PRRX1: variants seen among roughly 807,000 people sequenced by gnomAD.
The protein encoded by PRRX1 is paired mesoderm homeobox protein 1.
In PRRX1, 8 loss-of-function variants were observed where a neutral mutation model predicts 24.0. That is an observed-to-expected ratio of 0.33 (90% CI 0.20 to 0.60). PRRX1 has a LOEUF of 0.60. Among genes scored for constraint, PRRX1 ranks in the 20% least tolerant of loss-of-function variants. The pLI is 0.82. For missense variants in PRRX1, 281 were observed against 322.4 expected (o/e 0.87, Z 0.98); for synonymous variants, 160 against 131.7 (o/e 1.22, Z -1.47).
chr1:170,665,951 C>T (rs752204841), intron 1 of PRRX1, among the ~76,000 whole-genome samples: 1 of 152,230 alleles, frequency 6.6e-6, no homozygotes, highest in South Asian at 2.1e-4. Flanking sequence ...CCTCAAGTTC[C>T]GCATAAAGGG....
At chr1:170,670,971 C>G (rs1653122727) in intron 1 of PRRX1, among the ~76,000 whole-genome samples, 1 of 152,076 alleles carries the variant, frequency 6.6e-6, no homozygotes, top group South Asian at 2.1e-4. Context: ...TTAGCTGTTC[C>G]ACGTAATGAA....
rs557928841 is a variant in PRRX1, at chr1:170,664,479, C to G, written c.241+20C>G. On this transcript the variant is annotated intron_variant, in intron 1 of 3. Coordinates refer to ENST00000239461, the MANE Select transcript of PRRX1 (RefSeq NM_022716.4). ...AGGACAGTGAGTGAGGGGCGCATGC[C>G]CACGGGGGTGTGTGCCCGGGACAGA... 6.9e-6 allele frequency: 11 copies of G among 1,585,608 alleles called. No homozygotes were observed. The highest frequency in any genetic ancestry group is 1.8e-5 in the Admixed American group (1 of 55,412).
At chr1:170,711,557 A>C (rs1039888404) in intron 1 of PRRX1, among the ~76,000 whole-genome samples, 19 of 152,216 alleles carry the variant, frequency 1.2e-4, no homozygotes, top group African/African-American at 4.6e-4. Context: ...TGCTTACCAG[A>C]TTTTTCTTTA....
intron 1 of PRRX1, 115 bp downstream of exon 1, chr1:170,664,574 A>T: frequency 7.0e-7 from 1 of 1,424,818 alleles, no homozygotes; most frequent in Non-Finnish European, 9.3e-7. Context: ...GGACCAGGAG[A>T]GGTGATGGCA....
At position 170,726,327 on chromosome 1, in the gene PRRX1, G is replaced by T; in HGVS notation, c.525G>T (p.Val175=). ...LKSYSGDVTA[V]EQPIVPRPAP... ...CCTACTCAGGAGACGTGACTGCTGTGGAGCAGCCCATCGTACCTCGTCCTG... is the reference window on the plus strand; with the variant it reads ...CCTACTCAGGAGACGTGACTGCTGTTGAGCAGCCCATCGTACCTCGTCCTG... The change falls in exon 3 of 4, where the codon GTG becomes GTT. Residue 175 remains valine, a synonymous_variant. Transcript: ENST00000239461. 1 of 1,613,978 alleles carries T rather than the reference G, an allele frequency of 6.2e-7. No homozygotes were observed. The highest frequency in any genetic ancestry group is 2.2e-5 in the East Asian group (1 of 44,862).
chr1:170,721,520 G>A (rs750888135), intron 2 of PRRX1, among the ~76,000 whole-genome samples: 34 of 152,038 alleles, frequency 2.2e-4, no homozygotes, highest in Non-Finnish European at 7.4e-5. Flanking sequence ...AAGTGTGAAC[G>A]CTTTCCCACG....
chr1:170,736,001 G>T (rs762828896), intron 3 of PRRX1, 47 bp from the exon 4 acceptor site: 3 of 1,612,178 alleles, frequency 1.9e-6, no homozygotes, highest in Admixed American at 3.3e-5. Flanking sequence ...GCAGCTTTGT[G>T]AAACTAATGC....
chr1:170,715,196 T>C (rs1303596015), intron 1 of PRRX1, among the ~76,000 whole-genome samples: 1 of 152,078 alleles, frequency 6.6e-6, no homozygotes, highest in Admixed American at 6.6e-5. Flanking sequence ...CAAAAGACAA[T>C]GCTAACATAA....
rs1189115898 is a variant in PRRX1, at chr1:170,737,103, C to G, written c.*917C>G. On this transcript the variant is annotated 3_prime_UTR_variant, in exon 4 of 4. Transcript: ENST00000239461. The stretch of plus-strand genomic sequence containing the variant: ...AGGCATGCCCACATCTCTTTCGTGC[C>G]TTAAGGATAGTGAGATGCACACTTA... 5.6e-6 allele frequency: 1 copy of G among 178,548 alleles called. No individual in the cohort carries two copies. The highest frequency in any genetic ancestry group is 1.2e-5 in the Non-Finnish European group (1 of 83,876). 11.1% of individuals were successfully genotyped at this position (178,548 alleles called of 1,614,324 possible).
intron 1 of PRRX1, among the ~76,000 whole-genome samples, chr1:170,705,947 C>T (rs868436458): frequency 3.5e-5 from 5 of 143,070 alleles, no homozygotes; most frequent in African/African-American, 1.5e-4. Context: ...CACACACACA[C>T]ACACACACAC....
chr1:170,737,649 T>C lies in PRRX1; in HGVS notation c.*1463T>C, dbSNP rs1655662574. 1 of 219,308 alleles carries C rather than the reference T, an allele frequency of 4.6e-6. No homozygotes were observed. The highest frequency in any genetic ancestry group is 2.2e-5 in the African/African-American group (1 of 44,662). 13.6% of individuals were successfully genotyped at this position (219,308 alleles called of 1,614,324 possible). A position where few individuals can be genotyped will look rare whatever the true frequency, so the allele number is the denominator to read the frequency against. On this transcript the variant is annotated 3_prime_UTR_variant, in exon 4 of 4. Transcript: ENST00000239461. The stretch of plus-strand genomic sequence containing the variant: ...ATTTTTATTTTTTAATATTTTGAAA[T>C]AAAGTTTAGTGTCTAGGGCTGGGAG...
intron 1 of PRRX1, among the ~76,000 whole-genome samples, chr1:170,705,293 C>T (rs989133740): frequency 1.3e-5 from 2 of 152,026 alleles, no homozygotes; most frequent in African/African-American, 2.4e-5. Context: ...ATTATATATA[C>T]ATATTTTTGG....
chr1:170,712,560 C>A, intron 1 of PRRX1, among the ~76,000 whole-genome samples: 1 of 152,120 alleles, frequency 6.6e-6, no homozygotes, highest in Middle Eastern at 3.2e-3. Context: ...GCTTGACCAG[C>A]CCATTTTTGA....
intron 1 of PRRX1, among the ~76,000 whole-genome samples, chr1:170,718,299 AT>A (rs1654968760): frequency 6.6e-6 from 1 of 152,216 alleles, no homozygotes; most frequent in African/African-American, 2.4e-5. Flanking sequence ...ATGAAGAAGG[AT>A]TCTCTTAGCA....
At chr1:170,721,140 C>CA (rs1655072695) in intron 2 of PRRX1, among the ~76,000 whole-genome samples, 1 of 152,054 alleles carries the variant, frequency 6.6e-6, no homozygotes, top group African/African-American at 2.4e-5. Context: ...CCCCGCCTCC[C>CA]AAAAAAACTG....
At chr1:170,731,620 AT>A (rs1356690091) in intron 3 of PRRX1, among the ~76,000 whole-genome samples, 1 of 151,040 alleles carries the variant, frequency 6.6e-6, no homozygotes, top group Non-Finnish European at 1.5e-5. Context: ...TTTGACAATC[AT>A]TTTAACACAT....
chr1:170,726,411 T>C lies in PRRX1; in HGVS notation c.599+10T>C. 6.2e-7 allele frequency: 1 copy of C among 1,613,060 alleles called. No individual in the cohort carries two copies. Among genetic ancestry groups the C allele is most frequent in the Admixed American group, 1.7e-5 (1 of 60,010 alleles). On this transcript the variant is annotated intron_variant, in intron 3 of 3. Coordinates refer to ENST00000239461, the MANE Select transcript of PRRX1 (RefSeq NM_022716.4). ...CAGCGTCTCCGTACAGGTGAATGAC[T>C]GGCCCACTCTCCCTTGCTCCACTTC...
chr1:170,718,159 A>C (rs998590465), intron 1 of PRRX1, among the ~76,000 whole-genome samples: 1 of 152,244 alleles, frequency 6.6e-6, no homozygotes, highest in African/African-American at 2.4e-5. Flanking sequence ...TCTAAGGACA[A>C]GAGGAGTTTC....
rs61148079 is a variant in PRRX1 at position 170,736,544 on chromosome 1, CTATATA to C, written c.*380_*385del. ...AAAAAAACTACAGCAGCCAAAGAAA[CTATATA>C]TATATATATATATATATATATCCAG... On this transcript the variant is annotated 3_prime_UTR_variant, in exon 4 of 4. Transcript: ENST00000239461. 96,174 of 225,310 alleles carry C rather than the reference CTATATA, an allele frequency of 0.43. 19,842 individuals are homozygous for C. Among genetic ancestry groups the C allele is most frequent in the African/African-American group, 0.47 (19,496 of 41,170 alleles). 14.0% of individuals were successfully genotyped at this position (225,310 alleles called of 1,614,324 possible).
Sources: allele counts gnomAD v4.1 joint callset (sites outside exome capture counted in the v4.1 genomes callset), GRCh38; gene constraint gnomAD v4.1.1; transcripts MANE v1.5; gene names NCBI Gene and HGNC (gene_info 2026-07-23, HGNC 2026-07-21).